SEMA6D: variants seen among roughly 807,000 people sequenced by gnomAD.
SEMA6D encodes the protein semaphorin 6D.
A neutral mutation model predicts 106.6 loss-of-function variants in SEMA6D; 35 were observed. The observed-to-expected ratio is 0.33, with a 90% CI of 0.25 to 0.44. SEMA6D has a LOEUF of 0.44. Among genes scored for constraint, SEMA6D ranks in the 20% least tolerant of loss-of-function variants. SEMA6D has a pLI of 1.00. For synonymous variants in SEMA6D, 499 were observed against 487.7 expected, an observed-to-expected ratio of 1.02 and a Z score of -0.31; for missense variants, 1,185 against 1,345.9, an observed-to-expected ratio of 0.88 and a Z score of 1.87.
intron 1 of SEMA6D, among the ~76,000 whole-genome samples, chr15:47,370,622 A>T (rs1157229532): frequency 6.8e-6 from 1 of 146,590 alleles, no homozygotes; most frequent in African/African-American, 2.5e-5. Flanking sequence ...AGGTGGGTGG[A>T]TCACTTGAGG....
intron 1 of SEMA6D, among the ~76,000 whole-genome samples, chr15:47,299,335 C>T (rs1014371312): frequency 1.3e-5 from 2 of 152,170 alleles, no homozygotes; most frequent in African/African-American, 2.4e-5. Context: ...TAGGAACCTC[C>T]GACCTACTTT....
chr15:47,762,579 A>G (rs997866359), intron 8 of SEMA6D, among the ~76,000 whole-genome samples: 1 of 152,144 alleles, frequency 6.6e-6, no homozygotes. Flanking sequence ...GTGTGTGCCA[A>G]TTTGTCTAAC....
intron 3 of SEMA6D, among the ~76,000 whole-genome samples, chr15:47,530,525 T>A (rs1451952315): frequency 6.6e-6 from 1 of 152,236 alleles, no homozygotes; most frequent in Admixed American, 6.5e-5. Flanking sequence ...TCCTCTATGA[T>A]TATTTCTTTG....
chr15:47,488,192 A>G (rs1214563597), intron 3 of SEMA6D, among the ~76,000 whole-genome samples: 1 of 152,084 alleles, frequency 6.6e-6, no homozygotes, highest in East Asian at 1.9e-4. Flanking sequence ...TTCTTTGCAC[A>G]TGGTTGAAAG....
chr15:47,716,392 T>C (rs950190386), upstream of SEMA6D, among the ~76,000 whole-genome samples: 1 of 152,172 alleles, frequency 6.6e-6, no homozygotes, highest in Non-Finnish European at 1.5e-5. Flanking sequence ...AATGTAAACA[T>C]GTAACTGTGT....
At chr15:47,405,029 T>A (rs1179325979) in intron 1 of SEMA6D, among the ~76,000 whole-genome samples, 1 of 151,872 alleles carries the variant, frequency 6.6e-6, no homozygotes, top group Non-Finnish European at 1.5e-5. Flanking sequence ...GAGTAGGAAA[T>A]GTCCCTAGGG....
chr15:47,766,493 T>G (rs927448503), intron 15 of SEMA6D, 123 bp from the exon 16 acceptor site: 19 of 827,848 alleles, frequency 2.3e-5, no homozygotes, highest in African/African-American at 2.2e-4. Flanking sequence ...AAATGTTGTT[T>G]TTTTTTTTTC....
intron 4 of SEMA6D, among the ~76,000 whole-genome samples, chr15:47,673,260 C>T (rs1488108034): frequency 6.6e-6 from 1 of 152,196 alleles, no homozygotes; most frequent in Non-Finnish European, 1.5e-5. Flanking sequence ...GTACACTTTT[C>T]TTCTTTCTGA....
chr15:47,276,801 G>A (rs2034838485), intron 1 of SEMA6D, among the ~76,000 whole-genome samples: 1 of 152,160 alleles, frequency 6.6e-6, no homozygotes. Flanking sequence ...AAATAATTTT[G>A]TAAGGATATA....
intron 1 of SEMA6D, among the ~76,000 whole-genome samples, chr15:47,728,664 A>C (rs1315244602): frequency 6.6e-6 from 1 of 152,222 alleles, no homozygotes; most frequent in Admixed American, 6.5e-5. Context: ...GGAGGTCAGA[A>C]GTCTGAAACG....
chr15:47,762,280 G>A lies in SEMA6D; in HGVS notation c.619G>A (p.Ala207Thr), dbSNP rs1328524093. The A allele has an allele frequency of 6.2e-7, 1 of 1,613,506 alleles. No individual in the cohort carries two copies. Among genetic ancestry groups the A allele is most frequent in the Non-Finnish European group, 8.5e-7 (1 of 1,179,636 alleles). Residue 207 changes from alanine (A) to threonine (T), a missense_variant, in exon 8 of 19, where the codon GCC (alanine) becomes ACC (threonine). By Grantham distance (58) the Ala-to-Thr change is moderately conservative. This residue lies in a region of SEMA6D where 291 missense variants were observed against 423.8 expected (regional missense o/e 0.69). Coordinates refer to ENST00000536845, the MANE Select transcript of SEMA6D (RefSeq NM_001358351.3). ...TTATCGAAGCATGGGTGATGGATCT[G>A]CCCTTCGCACAATAAAATATGATTC... is the stretch of plus-strand genomic sequence containing the variant. ...VIYRSMGDGS[A>T]LRTIKYDSKW...
intron 2 of SEMA6D, among the ~76,000 whole-genome samples, chr15:47,427,541 A>G (rs2041380968): frequency 6.6e-6 from 1 of 152,148 alleles, no homozygotes; most frequent in Admixed American, 6.6e-5. Context: ...ACTATCTTTT[A>G]TATCTTAAAT....
At chr15:47,498,112 A>G (rs1349933220) in intron 3 of SEMA6D, among the ~76,000 whole-genome samples, 2 of 152,122 alleles carry the variant, frequency 1.3e-5, no homozygotes, top group East Asian at 3.8e-4. Flanking sequence ...TGTGACAATC[A>G]TTGTTTTCAG....
At chr15:47,629,953 A>G (rs1263798270) in intron 4 of SEMA6D, among the ~76,000 whole-genome samples, 2 of 151,906 alleles carry the variant, frequency 1.3e-5, no homozygotes, top group Non-Finnish European at 2.9e-5. Flanking sequence ...TCATTAATTG[A>G]TGGACATTTA....
intron 3 of SEMA6D, among the ~76,000 whole-genome samples, chr15:47,530,068 C>T (rs767734970): frequency 6.6e-6 from 1 of 152,130 alleles, no homozygotes; most frequent in African/African-American, 2.4e-5. Context: ...GCAGTCAGGA[C>T]GGAAGCAAAG....
At chr15:47,650,069 A>G (rs1173909486) in intron 4 of SEMA6D, among the ~76,000 whole-genome samples, 1 of 152,190 alleles carries the variant, frequency 6.6e-6, no homozygotes, top group Non-Finnish European at 1.5e-5. Context: ...GAGCGCCTGG[A>G]TGTGCCAGTG....
chr15:47,656,478 A>C (rs993324668), intron 4 of SEMA6D, among the ~76,000 whole-genome samples: 1 of 152,252 alleles, frequency 6.6e-6, no homozygotes, highest in African/African-American at 2.4e-5. Context: ...ATACAATATT[A>C]GGATTTTCAC....
chr15:47,740,729 G>C (rs2080760536), intron 1 of SEMA6D, among the ~76,000 whole-genome samples: 1 of 152,138 alleles, frequency 6.6e-6, no homozygotes, highest in African/African-American at 2.4e-5. Context: ...AAGAGCACCT[G>C]AGCAGGGAGG....
intron 3 of SEMA6D, among the ~76,000 whole-genome samples, chr15:47,546,362 G>C (rs1226917266): frequency 6.6e-6 from 1 of 151,904 alleles, no homozygotes; most frequent in African/African-American, 2.4e-5. Flanking sequence ...TATAGCACTG[G>C]GACTCTAATT....
Sources: allele counts gnomAD v4.1 joint callset (sites outside exome capture counted in the v4.1 genomes callset), GRCh38; gene constraint gnomAD v4.1.1; regional missense constraint gnomAD v4.1.1; transcripts MANE v1.5; gene names NCBI Gene and HGNC (gene_info 2026-07-23, HGNC 2026-07-21).